Variants in PIK3C2G observed in about 807,000 individuals in gnomAD.
PIK3C2G encodes the protein phosphatidylinositol-4-phosphate 3-kinase catalytic subunit type 2 gamma.
In PIK3C2G, 168 loss-of-function variants were observed where a neutral mutation model predicts 181.1. That is an observed-to-expected ratio of 0.93 (90% CI 0.82 to 1.05). PIK3C2G has a LOEUF of 1.05. PIK3C2G is among the 50% of genes least tolerant of loss of function. PIK3C2G has a pLI of 0.00. For missense variants in PIK3C2G, 1,869 were observed against 1,732.8 expected (o/e 1.08, Z -1.40); for synonymous variants, 573 against 592.2 (o/e 0.97, Z 0.47).
chr12:18,416,700 G>A (rs1472759381), intron 16 of PIK3C2G, among the ~76,000 whole-genome samples: 1 of 152,112 alleles, frequency 6.6e-6, no homozygotes, highest in South Asian at 2.1e-4. Context: ...AATATGTTAA[G>A]CCCACTGTTG....
intron 18 of PIK3C2G, among the ~76,000 whole-genome samples, chr12:18,464,262 C>T (rs746382608): frequency 6.6e-6 from 1 of 152,022 alleles, no homozygotes; most frequent in Non-Finnish European, 1.5e-5. Flanking sequence ...TATGTGTCCT[C>T]ACGTGGTGGA....
intron 24 of PIK3C2G, among the ~76,000 whole-genome samples, chr12:18,510,339 A>G (rs1385144393): frequency 6.6e-6 from 1 of 152,224 alleles, no homozygotes; most frequent in African/African-American, 2.4e-5. Context: ...ACAATTTTGC[A>G]CTCAATTCCA....
At chr12:18,487,640 A>G (rs1240974886) in intron 18 of PIK3C2G, among the ~76,000 whole-genome samples, 2 of 152,090 alleles carry the variant, frequency 1.3e-5, no homozygotes, top group African/African-American at 4.8e-5. Context: ...TTGTTGCTCC[A>G]TTATCTTGCA....
At chr12:18,532,858 A>C (rs995478657) in intron 24 of PIK3C2G, among the ~76,000 whole-genome samples, 1 of 144,118 alleles carries the variant, frequency 6.9e-6, no homozygotes, top group Non-Finnish European at 1.5e-5. Flanking sequence ...ACTGGAGTAG[A>C]GTGGTTACAA....
At chr12:18,391,091 A>T (rs774469568) in intron 14 of PIK3C2G, 31 bp from the exon 15 acceptor site, 6 of 1,567,390 alleles carry the variant, frequency 3.8e-6, no homozygotes, top group Non-Finnish European at 5.2e-6. Context: ...AGACACCTTC[A>T]ACACATGGCA....
intron 30 of PIK3C2G, among the ~76,000 whole-genome samples, chr12:18,598,181 G>A (rs1452124643): frequency 6.6e-5 from 10 of 151,744 alleles, no homozygotes; most frequent in South Asian, 2.1e-4. Context: ...AAAAGAGCCC[G>A]CGTTGCCAAG....
chr12:18,483,958 G>A (rs1027105872), intron 18 of PIK3C2G, among the ~76,000 whole-genome samples: 1 of 152,116 alleles, frequency 6.6e-6, no homozygotes, highest in Non-Finnish European at 1.5e-5. Flanking sequence ...CAGGACTAAA[G>A]GAACAGCCTC....
rs1326217627 is a variant in PIK3C2G, at chr12:18,555,053, A to AAATAATAAAT, written c.3591-7648_3591-7647insTAATAAATAA. ...ATTATGAACTTACAGTATCAGTGGT[A>AAATAATAAAT]AAATAAAGAATGTTCTCATGCAAAT... On this transcript the variant is annotated intron_variant, in intron 26 of 32. Transcript: ENST00000538779. Among the ~76,000 whole-genome samples the AAATAATAAAT allele has an allele frequency of 5.8e-3, 880 of 152,272 alleles. 5 individuals carry two copies. Among genetic ancestry groups the AAATAATAAAT allele is most frequent in the African/African-American group, 0.02 (839 of 41,574 alleles).
In PIK3C2G at chr12:18,371,281, CGT is replaced by C; in HGVS notation, c.1852_1853del (p.Trp618AspfsTer25). ...GCAACCAACAATGCAAATTTACTGG[CGT>C]GGACTTGTCTTCCACTGTTTCCAAA... On this transcript the variant is annotated frameshift_variant, in exon 13 of 33. Coordinates refer to ENST00000538779, the MANE Select transcript of PIK3C2G (RefSeq NM_001288772.2). LOFTEE classifies it high-confidence loss of function. 1 of 1,611,092 alleles carries C rather than the reference CGT, an allele frequency of 6.2e-7. No individual in the cohort carries two copies. Among genetic ancestry groups the C allele is most frequent in the Non-Finnish European group, 8.5e-7 (1 of 1,178,472 alleles).
At chr12:18,513,663 G>A (rs140306835) in intron 24 of PIK3C2G, among the ~76,000 whole-genome samples, 44 of 151,460 alleles carry the variant, frequency 2.9e-4, no homozygotes, top group East Asian at 1.5e-3. Flanking sequence ...CTTTTGATTC[G>A]TTTATTTGAA....
intron 1 of PIK3C2G, among the ~76,000 whole-genome samples, chr12:18,255,602 C>G (rs1296261567): frequency 6.6e-6 from 1 of 152,178 alleles, no homozygotes; most frequent in African/African-American, 2.4e-5. Flanking sequence ...GGAGAGCGCA[C>G]AGATAATTCT....
intron 5 of PIK3C2G, among the ~76,000 whole-genome samples, chr12:18,313,386 C>T (rs974231306): frequency 3.3e-5 from 5 of 152,062 alleles, no homozygotes; most frequent in African/African-American, 1.2e-4. Context: ...TTGATGTAGA[C>T]ATTACTATTC....
Position 18,593,306 on chromosome 12 carries a change from G to A in PIK3C2G, c.4012-1188G>A, listed in dbSNP as rs562416715. Among the ~76,000 whole-genome samples the A allele has an allele frequency of 2.0e-5, 3 of 151,834 alleles. No individual in the cohort carries two copies. In the South Asian group the frequency reaches 6.2e-4, roughly 31 times the overall value. Reference sequence around the variant, plus strand: ...GGGGAAATAATTCAACTATGACAGAGGGAAAGACACATTTTTTTTTCCATT... The same window carrying A: ...GGGGAAATAATTCAACTATGACAGAAGGAAAGACACATTTTTTTTTCCATT... On this transcript the variant is annotated intron_variant, in intron 29 of 32. Coordinates refer to ENST00000538779, the MANE Select transcript of PIK3C2G (RefSeq NM_001288772.2).
At chr12:18,284,831 G>A (rs989922751) in intron 2 of PIK3C2G, among the ~76,000 whole-genome samples, 2 of 151,936 alleles carry the variant, frequency 1.3e-5, no homozygotes, top group African/African-American at 2.4e-5. Context: ...CCAAACTGAA[G>A]TACAGAAAAC....
Position 18,538,243 on chromosome 12 carries a change from G to T in PIK3C2G, c.3411G>T (p.Val1137=). The T allele has an allele frequency of 6.2e-7, 1 of 1,612,350 alleles. No individual in the cohort carries two copies. Among genetic ancestry groups the T allele is most frequent in the South Asian group, 1.1e-5 (1 of 90,926 alleles). ...ACCCACAGCATTTTCAAGATTTTGTGGAACTTTGCTGTCGTGCTTATAATA... is the reference window on the plus strand; with the variant it reads ...ACCCACAGCATTTTCAAGATTTTGTTGAACTTTGCTGTCGTGCTTATAATA... ...GKNPQHFQDF[V]ELCCRAYNII... Residue 1137 remains valine, a synonymous_variant, in exon 25 of 33, where the codon GTG becomes GTT. Transcript: ENST00000538779.
chr12:18,494,739 C>G (rs1186638073), intron 20 of PIK3C2G, among the ~76,000 whole-genome samples: 1 of 152,114 alleles, frequency 6.6e-6, no homozygotes, highest in African/African-American at 2.4e-5. Flanking sequence ...TAATTCAATA[C>G]CATGATATAT....
chr12:18,338,663 C>G (rs7484847), intron 9 of PIK3C2G, 115 bp downstream of exon 9: 41 of 414,030 alleles, frequency 9.9e-5, no homozygotes, highest in Middle Eastern at 7.4e-4. Context: ...TTGTGTGTAT[C>G]TGTGTGTGTG....
chr12:18,490,842 T>C (rs1226508949), intron 19 of PIK3C2G, among the ~76,000 whole-genome samples: 1 of 152,192 alleles, frequency 6.6e-6, no homozygotes, highest in African/African-American at 2.4e-5. Context: ...AATTTAAAGG[T>C]GTTGTTTGTG....
chr12:18,614,779 TTTCCA>T (rs1948513145), intron 31 of PIK3C2G, among the ~76,000 whole-genome samples: 2 of 152,096 alleles, frequency 1.3e-5, no homozygotes, highest in African/African-American at 4.8e-5. Context: ...CATTTACATG[TTTCCA>T]ACTGCCTGAT....
Sources: allele counts gnomAD v4.1 joint callset (sites outside exome capture counted in the v4.1 genomes callset), GRCh38; gene constraint gnomAD v4.1.1; transcripts MANE v1.5; gene names NCBI Gene and HGNC (gene_info 2026-07-23, HGNC 2026-07-21).